The following SRBD1 variants were observed in gnomAD, a reference collection of about 807,000 sequenced individuals.
SRBD1 encodes S1 RNA binding domain 1.
SRBD1 carries 88 observed loss-of-function variants against 115.3 expected under a neutral mutation model. The observed-to-expected ratio is 0.76, with a 90% CI of 0.64 to 0.91. The LOEUF (loss-of-function observed/expected upper bound fraction) is 0.91. SRBD1 is among the 40% of genes least tolerant of loss of function. SRBD1 has a pLI of 0.00. For missense variants in SRBD1, 1,385 were observed against 1,177.4 expected (o/e 1.18, Z -2.58); for synonymous variants, 509 against 407.7 (o/e 1.25, Z -2.99).
intron 10 of SRBD1, among the ~76,000 whole-genome samples, chr2:45,556,448 C>CTTTTTTTTT (rs59284495): frequency 1.8e-4 from 14 of 78,834 alleles, no homozygotes; most frequent in Non-Finnish European, 2.2e-4. Flanking sequence ...TGCTCTATTA[C>CTTTTTTTTT]TTTTTTTTTT....
In SRBD1 at chr2:45,499,058, T is replaced by G. The variant is rs1427759444; in HGVS notation, c.1875-10727A>C. 7.2e-5 allele frequency among the ~76,000 whole-genome samples: 11 copies of G among 152,182 alleles called. No individual in the cohort carries two copies. The East Asian group carries it at 2.1e-3, about 29-fold the overall frequency. On this transcript the variant is annotated intron_variant, in intron 14 of 20. Transcript: ENST00000263736. ...ATGGCAGTTCTATTTTTAGTTTTTT[T>G]TAGGGAACCCATATAGAATTTTCCA...
intron 4 of SRBD1, among the ~76,000 whole-genome samples, chr2:45,588,153 T>C (rs565496525): frequency 6.6e-6 from 1 of 152,356 alleles, no homozygotes; most frequent in South Asian, 2.1e-4. Flanking sequence ...TATTCCAGTA[T>C]ACACAAAGCA....
At chr2:45,445,579 A>AAAAAAAAAAAG (rs1668798323) in intron 16 of SRBD1, among the ~76,000 whole-genome samples, 1 of 145,886 alleles carries the variant, frequency 6.9e-6, no homozygotes, top group African/African-American at 2.5e-5. Context: ...AAAAAAAAAA[A>AAAAAAAAAAAG]GTAGAAAAGG....
intron 14 of SRBD1, among the ~76,000 whole-genome samples, chr2:45,501,754 C>T (rs983164136): frequency 2.0e-5 from 3 of 152,212 alleles, no homozygotes; most frequent in African/African-American, 7.2e-5. Flanking sequence ...GGGCACCTGC[C>T]ATTGCTGAGG....
chr2:45,513,431 A>AAC (rs978881504), intron 14 of SRBD1, among the ~76,000 whole-genome samples: 13 of 151,972 alleles, frequency 8.6e-5, no homozygotes, highest in Non-Finnish European at 1.5e-4. Flanking sequence ...GAAAAAAAAA[A>AAC]AACAACTGAC....
At chr2:45,457,645 G>A (rs988575519) in intron 16 of SRBD1, among the ~76,000 whole-genome samples, 2 of 151,832 alleles carry the variant, frequency 1.3e-5, no homozygotes, top group Admixed American at 6.6e-5. Flanking sequence ...TTCTCACGGC[G>A]TATGTTAAAA....
intron 1 of SRBD1, among the ~76,000 whole-genome samples, chr2:45,609,175 C>T (rs778845762): frequency 2.0e-5 from 3 of 152,142 alleles, no homozygotes; most frequent in African/African-American, 4.8e-5. Context: ...TTAAAGTGTG[C>T]AAATTTGATG....
chr2:45,553,859 C>A, intron 10 of SRBD1, 129 bp from the exon 11 acceptor site: 2 of 474,728 alleles, frequency 4.2e-6, no homozygotes, highest in Non-Finnish European at 7.6e-6. Context: ...GTAACATAAT[C>A]TGTGAGGAAA....
chr2:45,432,599 G>A lies in SRBD1; in HGVS notation c.2050-12705C>T, dbSNP rs79190735. ...TGAGTTGTGACACATCACTCTACTG[G>A]CAGTAACTGGTACAAGAAGCAAGAG... On this transcript the variant is annotated intron_variant, in intron 16 of 20. Coordinates refer to ENST00000263736, the MANE Select transcript of SRBD1 (RefSeq NM_018079.5). Among the ~76,000 whole-genome samples the A allele has an allele frequency of 1.1e-3, 164 of 152,244 alleles. 3 individuals carry two copies. The East Asian group carries it at 0.022, about 20-fold the overall frequency.
At chr2:45,520,153 A>G (rs1476592752) in intron 14 of SRBD1, among the ~76,000 whole-genome samples, 3 of 152,242 alleles carry the variant, frequency 2.0e-5, no homozygotes, top group African/African-American at 4.8e-5. Flanking sequence ...TGTCAGCCAA[A>G]TAGAGTCCAA....
intron 19 of SRBD1, among the ~76,000 whole-genome samples, chr2:45,408,226 T>G (rs1572603075): frequency 6.6e-6 from 1 of 150,624 alleles, no homozygotes; most frequent in South Asian, 2.1e-4. Flanking sequence ...TGTGTGAGAA[T>G]ATATAGAGTA....
At chr2:45,416,418 G>C (rs2103625071) in intron 18 of SRBD1, among the ~76,000 whole-genome samples, 1 of 152,198 alleles carries the variant, frequency 6.6e-6, no homozygotes, top group South Asian at 2.1e-4. Flanking sequence ...TTATCAGCTG[G>C]AAAAGTACAA....
intron 14 of SRBD1, among the ~76,000 whole-genome samples, chr2:45,495,878 T>A (rs1670443121): frequency 6.6e-6 from 1 of 152,180 alleles, no homozygotes; most frequent in African/African-American, 2.4e-5. Flanking sequence ...TTGGTCAACA[T>A]TTTGAAATGT....
At chr2:45,549,416 A>G (rs1161505809) in intron 12 of SRBD1, among the ~76,000 whole-genome samples, 1 of 152,140 alleles carries the variant, frequency 6.6e-6, no homozygotes, top group Non-Finnish European at 1.5e-5. Flanking sequence ...GTAAAACTAA[A>G]CAAAAGAAAT....
intron 14 of SRBD1, among the ~76,000 whole-genome samples, chr2:45,530,951 C>T (rs1409374681): frequency 6.8e-6 from 1 of 148,030 alleles, no homozygotes; most frequent in Non-Finnish European, 1.5e-5. Flanking sequence ...AAAAACAAAA[C>T]AAAGACAAAT....
chr2:45,590,744 C>T (rs1193010141), intron 4 of SRBD1, among the ~76,000 whole-genome samples: 2 of 152,126 alleles, frequency 1.3e-5, no homozygotes, highest in Admixed American at 6.5e-5. Context: ...TGGCCAGGTG[C>T]GGTGGCTCAT....
At chr2:45,513,014 C>A (rs1373114645) in intron 14 of SRBD1, among the ~76,000 whole-genome samples, 1 of 152,100 alleles carries the variant, frequency 6.6e-6, no homozygotes, top group Non-Finnish European at 1.5e-5. Context: ...GCCCCTCTGA[C>A]AACAGAAAGC....
intron 4 of SRBD1, among the ~76,000 whole-genome samples, chr2:45,590,753 A>T (rs1197069864): frequency 6.6e-6 from 1 of 152,162 alleles, no homozygotes; most frequent in Non-Finnish European, 1.5e-5. Context: ...GCGGTGGCTC[A>T]TGCCTGTAAT....
intron 9 of SRBD1, among the ~76,000 whole-genome samples, chr2:45,570,631 A>G (rs528121706): frequency 6.6e-6 from 1 of 152,330 alleles, no homozygotes; most frequent in South Asian, 2.1e-4. Context: ...ATTTTATAAC[A>G]ACGAAAGAAA....
Sources: allele counts gnomAD v4.1 joint callset (sites outside exome capture counted in the v4.1 genomes callset), GRCh38; gene constraint gnomAD v4.1.1; transcripts MANE v1.5; gene names NCBI Gene and HGNC (gene_info 2026-07-23, HGNC 2026-07-21).